EHBP1: variants seen among roughly 807,000 people sequenced by gnomAD.
The protein encoded by EHBP1 is EH domain-binding protein 1.
EHBP1 carries 55 observed loss-of-function variants against 144.0 expected under a neutral mutation model. The ratio of observed to expected loss-of-function variants is 0.38; its 90% confidence interval spans 0.31 to 0.48. The LOEUF is 0.48. Among genes scored for constraint, EHBP1 ranks in the 20% least tolerant of loss-of-function variants. The pLI is 0.98. For missense variants in EHBP1, 1,200 were observed against 1,364.2 expected, an observed-to-expected ratio of 0.88 and a Z score of 1.90; for synonymous variants, 469 against 472.7, an observed-to-expected ratio of 0.99 and a Z score of 0.10.
chr2:62,834,408 A>G, intron 7 of EHBP1, among the ~76,000 whole-genome samples: 1 of 152,180 alleles, frequency 6.6e-6, no homozygotes, highest in East Asian at 1.9e-4. Context: ...GAATTACCCA[A>G]CCTTCAGCAA....
chr2:62,990,900 G>C, intron 16 of EHBP1, 60 bp downstream of exon 16: 1 of 1,518,134 alleles, frequency 6.6e-7, no homozygotes, highest in Non-Finnish European at 8.8e-7. Context: ...TTTCTGCCAG[G>C]AGTTTGTAAT....
rs770861767 is a variant in EHBP1 at position 62,764,274 on chromosome 2, C to T, written c.171C>T (p.Ser57=). The change falls in exon 4 of 23, where the codon AGC becomes AGT. Residue 57 remains serine, a synonymous_variant. Transcript: ENST00000431489. ...CATTTTTATTCTGGTAGGCACATAG[C>T]TGGCAACCTGGAATAAAAAATCCCT... is the stretch of plus-strand genomic sequence containing the variant. The part of the protein sequence containing the change: ...RSRRKSSKAH[S]WQPGIKNPYR... 3 of 1,567,486 alleles carry T rather than the reference C, an allele frequency of 1.9e-6. No individual in the cohort carries two copies. The highest frequency in any genetic ancestry group is 2.6e-6 in the Non-Finnish European group (3 of 1,160,408).
At chr2:62,917,446 G>A (rs1001665799) in intron 10 of EHBP1, among the ~76,000 whole-genome samples, 8 of 152,018 alleles carry the variant, frequency 5.3e-5, no homozygotes, top group African/African-American at 1.4e-4. Context: ...AGATGCGCAC[G>A]TGTGCACACA....
chr2:62,960,591 G>A (rs1453351138), intron 14 of EHBP1, among the ~76,000 whole-genome samples: 1 of 152,038 alleles, frequency 6.6e-6, no homozygotes, highest in South Asian at 2.1e-4. Flanking sequence ...TGTATCCCCA[G>A]CACCAAGTAG....
intron 1 of EHBP1, among the ~76,000 whole-genome samples, chr2:62,680,294 T>C (rs989591021): frequency 1.3e-5 from 2 of 152,216 alleles, no homozygotes; most frequent in Non-Finnish European, 2.9e-5. Flanking sequence ...TCCCTCACAC[T>C]GTTCTACCCT....
intron 10 of EHBP1, among the ~76,000 whole-genome samples, chr2:62,941,935 A>T (rs1376055727): frequency 6.6e-6 from 1 of 152,138 alleles, no homozygotes; most frequent in Admixed American, 6.5e-5. Context: ...AAAACTTTAG[A>T]ATAAAATTGT....
intron 19 of EHBP1, among the ~76,000 whole-genome samples, chr2:63,011,040 G>C (rs184658882): frequency 7.4e-5 from 11 of 149,414 alleles, no homozygotes; most frequent in Non-Finnish European, 1.6e-4. Context: ...AAATCCATTG[G>C]ATAATAGAGG....
intron 15 of EHBP1, among the ~76,000 whole-genome samples, chr2:62,983,310 T>G (rs995508727): frequency 5.9e-5 from 9 of 152,132 alleles, no homozygotes; most frequent in African/African-American, 2.2e-4. Context: ...TATTAATGTT[T>G]TATTTTGGCC....
chr2:62,757,415 C>CTTTTTTTT (rs869184433), intron 3 of EHBP1, among the ~76,000 whole-genome samples: 16 of 121,836 alleles, frequency 1.3e-4, no homozygotes, highest in Non-Finnish European at 1.9e-4. Context: ...TTCTTTCTTT[C>CTTTTTTTT]TTTTTTTTTT....
chr2:62,806,588 C>A (rs2044504547), intron 5 of EHBP1, among the ~76,000 whole-genome samples: 1 of 152,080 alleles, frequency 6.6e-6, no homozygotes, highest in Non-Finnish European at 1.5e-5. Context: ...ATCTTGAACT[C>A]CTGGGTTCAA....
chr2:62,808,236 T>C (rs1226756761), intron 5 of EHBP1, among the ~76,000 whole-genome samples: 1 of 150,588 alleles, frequency 6.6e-6, no homozygotes, highest in Non-Finnish European at 1.5e-5. Context: ...TTTTTTTTCC[T>C]CTGCTTCTGG....
At chr2:62,980,314 T>C (rs2058908058) in intron 15 of EHBP1, among the ~76,000 whole-genome samples, 1 of 152,200 alleles carries the variant, frequency 6.6e-6, no homozygotes, top group Admixed American at 6.5e-5. Flanking sequence ...ATAGGGTTCG[T>C]GCTCCTGTGA....
At chr2:62,675,139 G>T (rs1469859778) in intron 1 of EHBP1, among the ~76,000 whole-genome samples, 1 of 152,186 alleles carries the variant, frequency 6.6e-6, no homozygotes, top group Non-Finnish European at 1.5e-5. Context: ...GATGCCCACA[G>T]TCTCTTTTCA....
intron 14 of EHBP1, among the ~76,000 whole-genome samples, chr2:62,974,371 T>A (rs772874573): frequency 1.3e-5 from 2 of 152,124 alleles, no homozygotes; most frequent in African/African-American, 2.4e-5. Flanking sequence ...ATAATGTTGA[T>A]TATAAGAGTA....
chr2:63,018,475 C>T (rs760668187), intron 19 of EHBP1, among the ~76,000 whole-genome samples: 5 of 152,184 alleles, frequency 3.3e-5, no homozygotes, highest in Non-Finnish European at 5.9e-5. Flanking sequence ...GCGATAGGTT[C>T]TGGATCATAG....
At chr2:62,856,302 G>T (rs1392062202) in intron 7 of EHBP1, among the ~76,000 whole-genome samples, 1 of 152,220 alleles carries the variant, frequency 6.6e-6, no homozygotes, top group Non-Finnish European at 1.5e-5. Context: ...CCATGCCAGG[G>T]CTGTGACTCC....
chr2:62,868,505 G>A (rs1243103753), intron 9 of EHBP1, among the ~76,000 whole-genome samples: 1 of 152,156 alleles, frequency 6.6e-6, no homozygotes, highest in Non-Finnish European at 1.5e-5. Context: ...TGGTTAATTT[G>A]TACTTCATCA....
At chr2:62,692,250 A>G (rs1325662780) in intron 1 of EHBP1, among the ~76,000 whole-genome samples, 1 of 152,222 alleles carries the variant, frequency 6.6e-6, no homozygotes, top group East Asian at 1.9e-4. Context: ...ATTGTATGAT[A>G]ATGCCACATT....
chr2:62,750,735 C>T (rs1397939480), intron 3 of EHBP1, among the ~76,000 whole-genome samples: 2 of 152,144 alleles, frequency 1.3e-5, no homozygotes. Flanking sequence ...GTTTTATTCT[C>T]TTTGAAGCAA....
Sources: allele counts gnomAD v4.1 joint callset (sites outside exome capture counted in the v4.1 genomes callset), GRCh38; gene constraint gnomAD v4.1.1; transcripts MANE v1.5; gene names NCBI Gene and HGNC (gene_info 2026-07-23, HGNC 2026-07-21).